Variants in RYR2 observed in about 807,000 individuals in gnomAD.
The protein encoded by RYR2 is ryanodine receptor 2.
A neutral mutation model predicts 601.1 loss-of-function variants in RYR2; 227 were observed. That is an observed-to-expected ratio of 0.38 (90% CI 0.34 to 0.42). The LOEUF is 0.42. RYR2 is among the 10% of genes least tolerant of loss of function. RYR2 has a pLI of 1.00. For synonymous variants in RYR2, 2,223 were observed against 2,175.1 expected, an observed-to-expected ratio of 1.02 and a Z score of -0.61; for missense variants, 4,646 against 6,156.5, an observed-to-expected ratio of 0.75 and a Z score of 8.21.
At chr1:237,604,146 C>T (rs1334332532) in intron 35 of RYR2, among the ~76,000 whole-genome samples, 2 of 152,114 alleles carry the variant, frequency 1.3e-5, no homozygotes, top group East Asian at 3.9e-4. Context: ...ATCGCACTTA[C>T]TCCAAAATTG....
chr1:237,700,269 C>T lies in RYR2; in HGVS notation c.9169C>T (p.Leu3057Phe). Residue 3057 changes from leucine (L) to phenylalanine (F), a missense_variant, in exon 65 of 105, where the codon CTC (leucine) becomes TTC (phenylalanine). Leu to Phe is a conservative substitution (Grantham distance 22). Around this residue, in one of 17 missense-constraint regions of RYR2, gnomAD observed 1,497 missense variants for 1,842.6 expected, o/e 0.81. Coordinates refer to ENST00000366574, the MANE Select transcript of RYR2 (RefSeq NM_001035.3). ...TGGCCTGGAGAGTGTTAAAAGTGCA[C>T]TCAGAGCTTTTCTGGACAACGCTGC... Reference protein sequence around the residue: ...KTGLESVKSALRAFLDNAAED... With the variant: ...KTGLESVKSAFRAFLDNAAED... The T allele has an allele frequency of 6.3e-7, 1 of 1,581,626 alleles. No individual in the cohort carries two copies. The highest frequency in any genetic ancestry group is 8.6e-7 in the Non-Finnish European group (1 of 1,162,774).
chr1:237,571,389 A>ACTGCAACC (rs1344160054), intron 29 of RYR2, among the ~76,000 whole-genome samples: 1 of 147,676 alleles, frequency 6.8e-6, no homozygotes, highest in African/African-American at 2.5e-5. Flanking sequence ...ATCTTGACTC[A>ACTGCAACC]CTGCAACCTC....
At chr1:237,796,366 G>A (rs747345374) in intron 96 of RYR2, among the ~76,000 whole-genome samples, 18 of 152,080 alleles carry the variant, frequency 1.2e-4, no homozygotes, top group East Asian at 1.9e-4. Context: ...TGGATTTCCC[G>A]CTATGGTACC....
intron 36 of RYR2, among the ~76,000 whole-genome samples, chr1:237,611,935 G>A (rs1677916989): frequency 6.6e-6 from 1 of 151,974 alleles, no homozygotes; most frequent in Non-Finnish European, 1.5e-5. Flanking sequence ...ATATACCCAA[G>A]AGAAATTAAA....
chr1:237,428,979 A>T (rs1235151206), intron 12 of RYR2, among the ~76,000 whole-genome samples: 1 of 152,040 alleles, frequency 6.6e-6, no homozygotes, highest in African/African-American at 2.4e-5. Context: ...TGGTGTGTGG[A>T]GAGCTGCCGC....
intron 96 of RYR2, among the ~76,000 whole-genome samples, chr1:237,796,337 T>C (rs895262805): frequency 6.6e-6 from 1 of 152,214 alleles, no homozygotes; most frequent in Non-Finnish European, 1.5e-5. Flanking sequence ...TAAACCATAA[T>C]GGCAGCTAAT....
chr1:237,548,440 G>T lies in RYR2; in HGVS notation c.2916G>T (p.Leu972=). 2 of 1,613,734 alleles carry T rather than the reference G, an allele frequency of 1.2e-6. No individual in the cohort carries two copies. Among genetic ancestry groups the T allele is most frequent in the South Asian group, 2.2e-5 (2 of 91,000 alleles). The change falls in exon 26 of 105, where the codon CTG becomes CTT. Residue 972 remains leucine (L), a synonymous_variant. Transcript: ENST00000366574. ...KKMKLPKNYQ[L]TSGYKPAPMD... Reference sequence around the variant, plus strand: ...TGTCTCTGATTTGTAGTTACCAGCTGACAAGTGGATACAAGCCTGCCCCTA... The same window carrying T: ...TGTCTCTGATTTGTAGTTACCAGCTTACAAGTGGATACAAGCCTGCCCCTA...
Position 237,550,562 on chromosome 1 carries a change from A to G in RYR2, c.3085A>G (p.Asn1029Asp). The G allele has an allele frequency of 6.2e-7, 1 of 1,609,786 alleles. No homozygotes were observed. The highest frequency in any genetic ancestry group is 1.1e-5 in the South Asian group (1 of 89,820). ...CCTGCAGGACGTAAAGAACAGAAGA[A>G]ATCCTCGCCTTGTTCCCTACACTCT... Reference protein sequence around the residue: ...GIQQDVKNRRNPRLVPYTLLD... With the variant: ...GIQQDVKNRRDPRLVPYTLLD... Residue 1029 changes from asparagine (N) to aspartate (D), a missense_variant, in exon 27 of 105, where the codon AAT becomes GAT. Physicochemically the swap from Asn to Asp is conservative, Grantham distance 23 (BLOSUM62 1). Transcript: ENST00000366574.
chr1:237,142,079 C>G (rs1673447847), intron 1 of RYR2, among the ~76,000 whole-genome samples: 1 of 152,168 alleles, frequency 6.6e-6, no homozygotes, highest in African/African-American at 2.4e-5. Context: ...TGCCTTATGA[C>G]CAGGTGGGGC....
intron 1 of RYR2, among the ~76,000 whole-genome samples, chr1:237,056,138 A>C (rs1199582071): frequency 1.4e-5 from 2 of 141,560 alleles, no homozygotes; most frequent in African/African-American, 5.4e-5. Flanking sequence ...CAAGGACTGG[A>C]GCATCGCACC....
At chr1:237,774,125 G>A (rs866703828) in intron 87 of RYR2, among the ~76,000 whole-genome samples, 6 of 151,954 alleles carry the variant, frequency 3.9e-5, no homozygotes, top group African/African-American at 7.3e-5. Context: ...ATTCTCCTTG[G>A]ACTAAGCTTC....
chr1:237,306,185 G>A (rs1693843713), intron 2 of RYR2, among the ~76,000 whole-genome samples: 8 of 152,222 alleles, frequency 5.3e-5, no homozygotes, highest in African/African-American at 1.9e-4. Context: ...TAGCTGATAG[G>A]ATTAATACCA....
At chr1:237,152,307 A>G (rs1572027304) in intron 1 of RYR2, among the ~76,000 whole-genome samples, 2 of 152,330 alleles carry the variant, frequency 1.3e-5, no homozygotes, top group Admixed American at 1.3e-4. Flanking sequence ...TAGTGGTGCA[A>G]TAAACATATG....
chr1:237,639,331 AT>A (rs1463459890), intron 46 of RYR2, 130 bp downstream of exon 46: 1 of 904,982 alleles, frequency 1.1e-6, no homozygotes, highest in East Asian at 2.7e-5. Flanking sequence ...TGAAAATATA[AT>A]GTCTTAGATT....
intron 1 of RYR2, among the ~76,000 whole-genome samples, chr1:237,250,323 G>T (rs1687319697): frequency 6.6e-6 from 1 of 152,102 alleles, no homozygotes; most frequent in Non-Finnish European, 1.5e-5. Context: ...GAGTGCCCTT[G>T]TTGCCAACAT....
intron 25 of RYR2, among the ~76,000 whole-genome samples, chr1:237,540,931 G>A (rs1030060979): frequency 1.0e-4 from 15 of 149,386 alleles, no homozygotes; most frequent in Middle Eastern, 3.5e-3. Context: ...ATATATATAT[G>A]TATGCACACA....
intron 10 of RYR2, 31 bp from the exon 11 acceptor site, chr1:237,417,018 C>A (rs1705072573): frequency 1.3e-6 from 2 of 1,598,330 alleles, no homozygotes; most frequent in Non-Finnish European, 1.7e-6. Flanking sequence ...GTTTAACTCA[C>A]ATTTGGGCTT....
chr1:237,470,614 G>C (rs1660614899), intron 17 of RYR2, among the ~76,000 whole-genome samples: 1 of 152,160 alleles, frequency 6.6e-6, no homozygotes, highest in African/African-American at 2.4e-5. Flanking sequence ...TGAATGTAGT[G>C]ACTGTGCATT....
intron 1 of RYR2, among the ~76,000 whole-genome samples, chr1:237,091,433 G>C (rs1666939400): frequency 6.7e-6 from 1 of 148,560 alleles, no homozygotes; most frequent in Non-Finnish European, 1.5e-5. Context: ...TTTTTTGGGG[G>C]GGGCGGGGGG....
Sources: gnomAD v4.1 joint callset for allele counts (sites outside exome capture counted in the v4.1 genomes callset) on GRCh38, gnomAD v4.1.1 for gene constraint, gnomAD v4.1.1 regional missense constraint, MANE v1.5 for transcripts, NCBI Gene and HGNC (gene_info 2026-07-23, HGNC 2026-07-21) for gene names.